CRACD: variants seen among roughly 807,000 people sequenced by gnomAD.
The protein encoded by CRACD is capping protein inhibiting regulator of actin dynamics, also known as capping protein-inhibiting regulator of actin dynamics.
In CRACD, 56 loss-of-function variants were observed where a neutral mutation model predicts 106.8. That is an observed-to-expected ratio of 0.52 (90% CI 0.42 to 0.66). CRACD has a LOEUF of 0.66. Among genes scored for constraint, CRACD ranks in the 30% least tolerant of loss-of-function variants. The pLI is 0.00. For synonymous variants in CRACD, 754 were observed against 670.8 expected, an observed-to-expected ratio of 1.12 and a Z score of -1.92; for missense variants, 1,730 against 1,623.2, an observed-to-expected ratio of 1.07 and a Z score of -1.13.
chr4:56,086,923 C>T (rs539323124), intron 1 of CRACD, among the ~76,000 whole-genome samples: 3 of 152,308 alleles, frequency 2.0e-5, no homozygotes, highest in East Asian at 3.9e-4. Context: ...CCATTCACTT[C>T]TCTACCACAG....
chr4:56,222,715 G>A (rs1003827674), intron 2 of CRACD, among the ~76,000 whole-genome samples: 4 of 152,072 alleles, frequency 2.6e-5, no homozygotes, highest in South Asian at 2.1e-4. Flanking sequence ...GGAGGCCGAA[G>A]CTGGTGAATC....
chr4:56,098,064 G>A (rs1466906462), intron 1 of CRACD, among the ~76,000 whole-genome samples: 1 of 152,130 alleles, frequency 6.6e-6, no homozygotes, highest in African/African-American at 2.4e-5. Flanking sequence ...TGCTGTTTCT[G>A]TAAAATATTT....
intron 2 of CRACD, among the ~76,000 whole-genome samples, chr4:56,252,701 T>G (rs1170870626): frequency 2.0e-5 from 3 of 152,006 alleles, no homozygotes; most frequent in Non-Finnish European, 4.4e-5. Flanking sequence ...CCAGGCAGAG[T>G]GCATATTCCT....
At position 56,049,246 on chromosome 4, in the gene CRACD, C is replaced by T. The variant is rs1731780241; in HGVS notation, c.-389C>T. The T allele has an allele frequency of 6.6e-6, 1 of 150,954 alleles. No homozygotes were observed. The highest frequency in any genetic ancestry group is 1.5e-5 in the Non-Finnish European group (1 of 67,650). The allele number at this position is 150,954 out of a possible 1,614,324, so 9.4% of individuals were successfully genotyped here. A position where few individuals can be genotyped will look rare whatever the true frequency, so the allele number is the denominator to read the frequency against. On this transcript the variant is annotated 5_prime_UTR_variant, in exon 1 of 11. Transcript: ENST00000682029. Reference sequence around the variant, plus strand: ...GCCGAGTCCGCCGCCCGCCCGGGACCGCCGGTCGCCGGCCAGCCGCTCTGC... The same window carrying T: ...GCCGAGTCCGCCGCCCGCCCGGGACTGCCGGTCGCCGGCCAGCCGCTCTGC...
At chr4:56,152,171 A>G (rs1446866116) in intron 1 of CRACD, among the ~76,000 whole-genome samples, 27 of 148,882 alleles carry the variant, frequency 1.8e-4, no homozygotes, top group African/African-American at 6.5e-4. Flanking sequence ...CACCACGCCC[A>G]GCTAATTTTT....
intron 2 of CRACD, among the ~76,000 whole-genome samples, chr4:56,249,516 T>G (rs982203279): frequency 3.9e-5 from 6 of 151,980 alleles, no homozygotes; most frequent in East Asian, 3.9e-4. Context: ...TTTCTCCCAT[T>G]TTGTAGGTTG....
At chr4:56,130,177 G>A (rs1384345378) in intron 1 of CRACD, among the ~76,000 whole-genome samples, 2 of 151,988 alleles carry the variant, frequency 1.3e-5, no homozygotes, top group African/African-American at 4.8e-5. Context: ...AGGCTGAGGT[G>A]GGAGGATTGC....
intron 1 of CRACD, among the ~76,000 whole-genome samples, chr4:56,081,419 C>T (rs1030694481): frequency 6.6e-6 from 1 of 151,920 alleles, no homozygotes; most frequent in African/African-American, 2.4e-5. Context: ...CTAGGAGGTA[C>T]GTATTTAATA....
chr4:56,266,964 A>G (rs1334242232), intron 2 of CRACD, among the ~76,000 whole-genome samples: 1 of 152,212 alleles, frequency 6.6e-6, no homozygotes, highest in Non-Finnish European at 1.5e-5. Context: ...AGTTTATAAA[A>G]TTTTATTTCC....
At chr4:56,139,455 T>C (rs1449315530) in intron 1 of CRACD, among the ~76,000 whole-genome samples, 3 of 152,110 alleles carry the variant, frequency 2.0e-5, no homozygotes, top group Non-Finnish European at 4.4e-5. Flanking sequence ...GAGGCAAGGA[T>C]ATGGAGGAGA....
chr4:56,160,174 C>T (rs534034256), intron 1 of CRACD, among the ~76,000 whole-genome samples: 50 of 144,082 alleles, frequency 3.5e-4, no homozygotes, highest in African/African-American at 1.2e-3. Context: ...CTAAGTCACT[C>T]CCATATTTTG....
chr4:56,087,859 ACT>A (rs1338782685), intron 1 of CRACD, among the ~76,000 whole-genome samples: 2 of 151,610 alleles, frequency 1.3e-5, no homozygotes, highest in East Asian at 1.9e-4. Flanking sequence ...GTGTGTCATC[ACT>A]CTTTCTTCTC....
At chr4:56,070,213 C>T (rs1732591650) in intron 1 of CRACD, among the ~76,000 whole-genome samples, 1 of 152,080 alleles carries the variant, frequency 6.6e-6, no homozygotes, top group Non-Finnish European at 1.5e-5. Flanking sequence ...CTCCGTCCCT[C>T]TCCTCTCCTC....
At chr4:56,099,685 T>C (rs1733717852) in intron 1 of CRACD, among the ~76,000 whole-genome samples, 1 of 152,154 alleles carries the variant, frequency 6.6e-6, no homozygotes, top group African/African-American at 2.4e-5. Flanking sequence ...CAGAGTTCAA[T>C]TTGTCACTCA....
intron 1 of CRACD, among the ~76,000 whole-genome samples, chr4:56,142,663 CTAA>C (rs1735244994): frequency 6.6e-6 from 1 of 152,036 alleles, no homozygotes; most frequent in South Asian, 2.1e-4. Context: ...TTTTAGTATT[CTAA>C]TGAGTTTAAA....
intron 1 of CRACD, among the ~76,000 whole-genome samples, chr4:56,160,338 A>G (rs1484381250): frequency 6.6e-6 from 1 of 151,736 alleles, no homozygotes; most frequent in Non-Finnish European, 1.5e-5. Context: ...ATGTGCCACC[A>G]CATCTGGCTA....
chr4:56,131,332 A>C (rs1245635465), intron 1 of CRACD, among the ~76,000 whole-genome samples: 2 of 152,196 alleles, frequency 1.3e-5, no homozygotes, highest in Admixed American at 6.5e-5. Context: ...TGTGCCACAG[A>C]ATGCCACATT....
intron 1 of CRACD, among the ~76,000 whole-genome samples, chr4:56,175,867 C>A (rs1412471267): frequency 6.6e-6 from 1 of 152,176 alleles, no homozygotes; most frequent in Non-Finnish European, 1.5e-5. Context: ...AGGCCAATGT[C>A]CTGAAGCATT....
intron 3 of CRACD, among the ~76,000 whole-genome samples, chr4:56,292,434 T>TAA (rs781407326): frequency 2.0e-5 from 3 of 152,188 alleles, no homozygotes; most frequent in Non-Finnish European, 2.9e-5. Flanking sequence ...TAGCTCAGTC[T>TAA]TTGATTGGAT....
Sources: allele counts gnomAD v4.1 joint callset (sites outside exome capture counted in the v4.1 genomes callset), GRCh38; gene constraint gnomAD v4.1.1; transcripts MANE v1.5; gene names NCBI Gene and HGNC (gene_info 2026-07-23, HGNC 2026-07-21).